Variants in ITGA8 observed in about 807,000 individuals in gnomAD.
ITGA8 encodes integrin alpha-8.
Under a neutral mutation model 142.3 loss-of-function variants are expected in ITGA8, and 91 were observed. That is an observed-to-expected ratio of 0.64 (90% CI 0.54 to 0.76). The LOEUF (loss-of-function observed/expected upper bound fraction) is 0.76, where lower values mean the gene tolerates loss of function less well. Ranked by LOEUF, ITGA8 falls within the 30% of genes least tolerant of loss-of-function variation. The probability of loss-of-function intolerance (pLI) is 0.00; values close to 1 mark genes in which losing one functional copy is unlikely to be tolerated. For synonymous variants in ITGA8, 505 were observed against 485.2 expected, an observed-to-expected ratio of 1.04 and a Z score of -0.54; for missense variants, 1,406 against 1,327.7, an observed-to-expected ratio of 1.06 and a Z score of -0.92.
At chr10:15,671,532 A>T in intron 8 of ITGA8, 71 bp downstream of exon 8, 1 of 1,294,708 alleles carries the variant, frequency 7.7e-7, no homozygotes, top group Non-Finnish European at 1.1e-6. Flanking sequence ...CATTGATAGA[A>T]AAAACTTTAT....
At chr10:15,577,061 C>G (rs967707157) in intron 23 of ITGA8, among the ~76,000 whole-genome samples, 1 of 152,120 alleles carries the variant, frequency 6.6e-6, no homozygotes, top group African/African-American at 2.4e-5. Context: ...TCTCCAAACC[C>G]AAAGCTGGCG....
chr10:15,713,581 C>A (rs17303526), intron 2 of ITGA8, among the ~76,000 whole-genome samples: 2 of 151,886 alleles, frequency 1.3e-5, no homozygotes, highest in Admixed American at 6.6e-5. Context: ...GATTTCTTTC[C>A]GGGGAAACTA....
At chr10:15,568,268 T>C (rs1402868298) in intron 25 of ITGA8, among the ~76,000 whole-genome samples, 2 of 152,158 alleles carry the variant, frequency 1.3e-5, no homozygotes, top group African/African-American at 4.8e-5. Context: ...CTAGAAGCAT[T>C]TGTGTGTGTC....
intron 10 of ITGA8, among the ~76,000 whole-genome samples, chr10:15,657,531 T>TTTTTTA (rs869085321): frequency 7.2e-6 from 1 of 139,556 alleles, no homozygotes; most frequent in Non-Finnish European, 1.6e-5. Context: ...TTTTTTTTTT[T>TTTTTTA]AACAGAGACA....
chr10:15,677,773 C>A, intron 5 of ITGA8, 136 bp from the exon 6 acceptor site: 1 of 634,108 alleles, frequency 1.6e-6, no homozygotes, highest in Non-Finnish European at 2.7e-6. Context: ...AAAAGAGATC[C>A]TTCGGAGGCC....
chr10:15,530,541 CAAAAAAAAAAA>C (rs57521125), intron 28 of ITGA8, among the ~76,000 whole-genome samples: 4 of 75,224 alleles, frequency 5.3e-5, no homozygotes, highest in African/African-American at 1.7e-4. Flanking sequence ...GCGAGACTCT[CAAAAAAAAAAA>C]AAAAAAAAAA....
chr10:15,518,431 A>G (rs774832072), intron 29 of ITGA8, among the ~76,000 whole-genome samples: 18 of 152,262 alleles, frequency 1.2e-4, no homozygotes, highest in Non-Finnish European at 2.4e-4. Context: ...GTAGGATGTC[A>G]CAAAGAGCTG....
intron 29 of ITGA8, among the ~76,000 whole-genome samples, chr10:15,517,830 G>A (rs1253212786): frequency 1.3e-5 from 2 of 152,214 alleles, no homozygotes; most frequent in Non-Finnish European, 2.9e-5. Context: ...ACCACTTATG[G>A]ACCTTGGATA....
chr10:15,547,736 C>T (rs971366010), intron 27 of ITGA8, among the ~76,000 whole-genome samples: 1 of 152,192 alleles, frequency 6.6e-6, no homozygotes, highest in African/African-American at 2.4e-5. Context: ...TGCTGCAGGA[C>T]CACTTGACAA....
chr10:15,623,144 T>C (rs1833523590), intron 13 of ITGA8, among the ~76,000 whole-genome samples: 1 of 152,180 alleles, frequency 6.6e-6, no homozygotes, highest in South Asian at 2.1e-4. Flanking sequence ...GAAAAGCTAA[T>C]ATTCTAAACA....
chr10:15,677,740 G>T (rs1029807478), intron 5 of ITGA8, 103 bp from the exon 6 acceptor site: 7 of 1,146,988 alleles, frequency 6.1e-6, no homozygotes, highest in Non-Finnish European at 8.7e-6. Context: ...CTAACAATTT[G>T]TTACACATAA....
At chr10:15,679,578 A>G (rs1834697972) in intron 4 of ITGA8, among the ~76,000 whole-genome samples, 1 of 152,270 alleles carries the variant, frequency 6.6e-6, no homozygotes, top group South Asian at 2.1e-4. Context: ...CAAGACTCCA[A>G]CTCAAACAAA....
chr10:15,586,048 G>GTTTTTT (rs1564362665), intron 23 of ITGA8, among the ~76,000 whole-genome samples: 6 of 120,530 alleles, frequency 5.0e-5, no homozygotes, highest in African/African-American at 1.7e-4. Flanking sequence ...GGAATAAAGT[G>GTTTTTT]ATTTTTTTTT....
chr10:15,555,195 C>G (rs1373691426), intron 26 of ITGA8, among the ~76,000 whole-genome samples: 1 of 152,310 alleles, frequency 6.6e-6, no homozygotes, highest in South Asian at 2.1e-4. Context: ...AATTTGGTCA[C>G]TACCAACACT....
chr10:15,596,334 T>A (rs776380263), intron 21 of ITGA8, among the ~76,000 whole-genome samples: 3 of 152,168 alleles, frequency 2.0e-5, no homozygotes, highest in Non-Finnish European at 4.4e-5. Flanking sequence ...CTTTGGCCAA[T>A]TCATCTGACT....
chr10:15,639,044 G>A lies in ITGA8; in HGVS notation c.1399+4986C>T, dbSNP rs368527039. On this transcript the variant is annotated intron_variant, in intron 13 of 29. Coordinates refer to ENST00000378076, the MANE Select transcript of ITGA8 (RefSeq NM_003638.3). ...CTTAGGAGGCTGAGGTAAGAGGATCGCTAGAGCCCAGGAGTTTGAGGCTGC... is the reference window on the plus strand; with the variant it reads ...CTTAGGAGGCTGAGGTAAGAGGATCACTAGAGCCCAGGAGTTTGAGGCTGC... Among the ~76,000 whole-genome samples, 36 of 152,014 alleles carry A rather than the reference G, an allele frequency of 2.4e-4. No homozygotes were observed. The East Asian group carries it at 3.9e-3, about 16-fold the overall frequency.
intron 11 of ITGA8, among the ~76,000 whole-genome samples, chr10:15,654,229 C>T (rs1313500674): frequency 6.6e-6 from 1 of 152,218 alleles, no homozygotes; most frequent in East Asian, 1.9e-4. Context: ...TTTACATATT[C>T]ATCTACTTGG....
At chr10:15,596,045 C>G (rs1833007036) in intron 21 of ITGA8, among the ~76,000 whole-genome samples, 1 of 152,120 alleles carries the variant, frequency 6.6e-6, no homozygotes, top group South Asian at 2.1e-4. Flanking sequence ...GCGTGAAACT[C>G]CATCTCAAAA....
intron 2 of ITGA8, among the ~76,000 whole-genome samples, chr10:15,690,495 C>T (rs1258862827): frequency 2.6e-5 from 4 of 152,056 alleles, no homozygotes; most frequent in African/African-American, 9.7e-5. Flanking sequence ...CTGCATCTAC[C>T]CACACCTGAA....
Sources: allele counts gnomAD v4.1 joint callset (sites outside exome capture counted in the v4.1 genomes callset), GRCh38; gene constraint gnomAD v4.1.1; transcripts MANE v1.5; gene names NCBI Gene and HGNC (gene_info 2026-07-23, HGNC 2026-07-21).